Variants in TENM1 observed in about 807,000 individuals in gnomAD.
TENM1 encodes teneurin-1.
Under a neutral mutation model 174.8 loss-of-function variants are expected in TENM1, and 35 were observed. That is an observed-to-expected ratio of 0.20 (90% CI 0.15 to 0.27). The LOEUF (loss-of-function observed/expected upper bound fraction) is 0.27. TENM1 is among the 10% of genes least tolerant of loss of function. The probability of loss-of-function intolerance (pLI) is 1.00; values close to 1 mark genes in which losing one functional copy is unlikely to be tolerated. For missense variants in TENM1, 1,633 were observed against 2,130.1 expected (o/e 0.77, Z 4.59); for synonymous variants, 781 against 798.7 (o/e 0.98, Z 0.37).
chrX:124,423,044 C>T (rs2060672292), intron 23 of TENM1, among the ~76,000 whole-genome samples: 1 of 111,918 alleles, frequency 8.9e-6, no homozygotes, highest in African/African-American at 3.3e-5. Flanking sequence ...CAAGGTGATT[C>T]TGGGGATCAT....
chrX:124,506,886 T>C (rs997915826), intron 18 of TENM1, among the ~76,000 whole-genome samples: 7 of 111,381 alleles, frequency 6.3e-5, no homozygotes, highest in African/African-American at 2.0e-4. Context: ...TAATTAAATA[T>C]AGGGAAAAAA....
At chrX:124,402,086 T>C (rs1255472830) in intron 27 of TENM1, among the ~76,000 whole-genome samples, 1 of 112,274 alleles carries the variant, frequency 8.9e-6, no homozygotes, top group Non-Finnish European at 1.9e-5. Flanking sequence ...ATTTTAGCTC[T>C]GGCTCTGATC....
the TENM1 span, among the ~76,000 whole-genome samples, chrX:125,160,698 C>A: frequency 9.1e-6 from 1 of 109,719 alleles, no homozygotes; most frequent in Non-Finnish European, 1.9e-5. Context: ...CTCGCTCCTC[C>A]ACTTATCTAT....
At position 124,381,790 on chromosome X, in the gene TENM1, C is replaced by A. The variant is rs774719249; in HGVS notation, c.7441-496G>T. Among the ~76,000 whole-genome samples the A allele has an allele frequency of 3.0e-4, 33 of 111,273 alleles. No homozygotes were observed. In the South Asian group the frequency reaches 0.012, roughly 39 times the overall value. On this transcript the variant is annotated intron_variant, in intron 31 of 31. Coordinates refer to ENST00000422452, the Ensembl canonical transcript of TENM1. ...TCTTTTTATGTGGACTTAAAAAAAACCTTTTTTTTTGGGCAATTTTCAAAC... is the reference window on the plus strand; with the variant it reads ...TCTTTTTATGTGGACTTAAAAAAAAACTTTTTTTTTGGGCAATTTTCAAAC...
rs909207370 is a variant in TENM1, at chrX:124,504,555, A to C, written c.3302-852T>G. On this transcript the variant is annotated intron_variant, in intron 18 of 31. Transcript: ENST00000422452. ...CAGATTTCTGATTCTTAAATTTACA[A>C]TGCTTTCTATCCTCATAATGTTCTA... Among the ~76,000 whole-genome samples the C allele has an allele frequency of 4.5e-5, 5 of 111,535 alleles. No homozygotes were observed. The Admixed American group carries it at 4.8e-4, about 11-fold the overall frequency.
intron 4 of TENM1, among the ~76,000 whole-genome samples, chrX:124,707,345 A>T (rs1233045822): frequency 9.0e-6 from 1 of 111,296 alleles, no homozygotes; most frequent in East Asian, 2.8e-4. Context: ...TTTATCTTTA[A>T]TTGACATATA....
intron 25 of TENM1, chrX:124,412,169 C>T (rs1173818065): frequency 8.9e-6 from 1 of 112,660 alleles, no homozygotes; most frequent in Non-Finnish European, 1.9e-5. Flanking sequence ...TCAGAGGGTA[C>T]CAGACAGTTA....
At chrX:124,617,284 T>C (rs1278540446) in intron 11 of TENM1, among the ~76,000 whole-genome samples, 1 of 111,838 alleles carries the variant, frequency 8.9e-6, no homozygotes, top group East Asian at 2.8e-4. Context: ...TTTCTAATTG[T>C]CCCTCCCTAA....
intron 3 of TENM1, among the ~76,000 whole-genome samples, chrX:124,747,632 T>C (rs1052107075): frequency 9.2e-6 from 1 of 109,197 alleles, no homozygotes; most frequent in Non-Finnish European, 1.9e-5. Flanking sequence ...AAGGTACTCA[T>C]GTACCTTGTG....
At chrX:124,907,584 T>C (rs149883480) in intron 1 of TENM1, among the ~76,000 whole-genome samples, 2,576 of 111,677 alleles carry the variant, frequency 0.023, 28 homozygotes, top group Middle Eastern at 0.047. Flanking sequence ...TGCATGTCAT[T>C]TATTTCCAAG....
intron 18 of TENM1, among the ~76,000 whole-genome samples, chrX:124,510,107 A>C (rs888691595): frequency 9.8e-5 from 11 of 112,603 alleles, no homozygotes; most frequent in African/African-American, 3.5e-4. Flanking sequence ...CATAACAATT[A>C]GATATGTTTT....
intron 3 of TENM1, among the ~76,000 whole-genome samples, chrX:124,767,741 C>T (rs2054566540): frequency 9.0e-6 from 1 of 110,895 alleles, no homozygotes; most frequent in Admixed American, 9.6e-5. Context: ...TGATTTTATT[C>T]GACGACGTGC....
the TENM1 span, among the ~76,000 whole-genome samples, chrX:125,196,088 A>G: frequency 9.0e-6 from 1 of 111,051 alleles, no homozygotes; most frequent in East Asian, 2.8e-4. Context: ...TTTAAAATGT[A>G]AGATTATTCT....
the TENM1 span, among the ~76,000 whole-genome samples, chrX:125,161,403 C>T: frequency 9.0e-6 from 1 of 111,363 alleles, no homozygotes; most frequent in African/African-American, 3.3e-5. Flanking sequence ...TATCAATCCA[C>T]AGTTGGTTGA....
intron 4 of TENM1, among the ~76,000 whole-genome samples, chrX:124,713,741 T>C (rs1480375668): frequency 8.9e-6 from 1 of 112,198 alleles, no homozygotes; most frequent in African/African-American, 3.2e-5. Context: ...GATGAATACA[T>C]ATTGATTTGT....
intron 11 of TENM1, among the ~76,000 whole-genome samples, chrX:124,573,157 T>C (rs961969900): frequency 8.9e-5 from 10 of 111,805 alleles, no homozygotes; most frequent in African/African-American, 2.9e-4. Context: ...GTGCAAAAAA[T>C]ATAGCAGTTA....
chrX:125,065,063 A>G, the TENM1 span, among the ~76,000 whole-genome samples: 4 of 112,379 alleles, frequency 3.6e-5, no homozygotes, highest in Non-Finnish European at 5.6e-5. Context: ...GCATTTCTTC[A>G]AAGAATTGTA....
Position 124,721,808 on chromosome X carries a change from T to C in TENM1, c.776+15149A>G, listed in dbSNP as rs754701665. Among the ~76,000 whole-genome samples, 4 of 112,637 alleles carry C rather than the reference T, an allele frequency of 3.6e-5. No individual in the cohort carries two copies. In the Admixed American group the frequency reaches 3.8e-4, roughly 11 times the overall value. On this transcript the variant is annotated intron_variant, in intron 4 of 31. Transcript: ENST00000422452. Reference sequence around the variant, plus strand: ...CCATTAAATTGGGCATAGTTTCTATTATGTCTACTTTCCAGGGTTTACAGT... The same window carrying C: ...CCATTAAATTGGGCATAGTTTCTATCATGTCTACTTTCCAGGGTTTACAGT...
At chrX:124,547,888 G>A (rs1161930987) in intron 14 of TENM1, among the ~76,000 whole-genome samples, 1 of 112,112 alleles carries the variant, frequency 8.9e-6, no homozygotes, top group Non-Finnish European at 1.9e-5. Flanking sequence ...CCAGGCTGGA[G>A]TGCAGTGGCA....
Sources: gnomAD v4.1 joint callset for allele counts (sites outside exome capture counted in the v4.1 genomes callset) on GRCh38, gnomAD v4.1.1 for gene constraint, MANE v1.5 for transcripts, NCBI Gene and HGNC (gene_info 2026-07-23, HGNC 2026-07-21) for gene names.